The following SYT17 variants were observed in gnomAD, a reference collection of about 807,000 sequenced individuals.
The protein encoded by SYT17 is synaptotagmin-17.
SYT17 carries 22 observed loss-of-function variants against 46.7 expected under a neutral mutation model. That is an observed-to-expected ratio of 0.47 (90% confidence interval 0.34 to 0.67). The LOEUF is 0.67. Among genes scored for constraint, SYT17 ranks in the 30% least tolerant of loss-of-function variants. The probability of loss-of-function intolerance (pLI) is 0.01; values close to 1 mark genes in which losing one functional copy is unlikely to be tolerated. For missense variants in SYT17, 519 were observed against 612.8 expected (o/e 0.85, Z 1.62); for synonymous variants, 251 against 248.4 (o/e 1.01, Z -0.10).
At chr16:19,171,289 TATGATG>T (rs66740634) in intron 1 of SYT17, 3,084 of 107,654 alleles carry the variant, frequency 0.029, 80 homozygotes, top group African/African-American at 0.1. Flanking sequence ...CCACCTATAC[TATGATG>T]ATGATGATGA....
intron 7 of SYT17, among the ~76,000 whole-genome samples, chr16:19,251,622 C>T (rs1968075576): frequency 6.6e-6 from 1 of 152,058 alleles, no homozygotes; most frequent in Admixed American, 6.5e-5. Context: ...GACCTTAGGG[C>T]CCATGGGAAG....
At chr16:19,264,596 C>CTTTTT (rs58368073) in intron 7 of SYT17, among the ~76,000 whole-genome samples, 2 of 145,492 alleles carry the variant, frequency 1.4e-5, no homozygotes, top group Non-Finnish European at 1.5e-5. Flanking sequence ...TTTCCCCCAC[C>CTTTTT]TTTTTTTTTT....
intron 5 of SYT17, among the ~76,000 whole-genome samples, chr16:19,193,603 A>C (rs1596925255): frequency 6.6e-6 from 1 of 152,300 alleles, no homozygotes; most frequent in East Asian, 1.9e-4. Flanking sequence ...GTCATCTGTT[A>C]TCCTAGGTTG....
At chr16:19,204,731 A>G (rs1472620354) in intron 5 of SYT17, among the ~76,000 whole-genome samples, 1 of 152,104 alleles carries the variant, frequency 6.6e-6, no homozygotes, top group Non-Finnish European at 1.5e-5. Context: ...CTGATCAAGT[A>G]GGCTCTGGGA....
intron 7 of SYT17, among the ~76,000 whole-genome samples, chr16:19,239,328 A>C (rs926960343): frequency 5.9e-5 from 9 of 151,908 alleles, no homozygotes; most frequent in African/African-American, 1.2e-4. Context: ...ATGTATAATA[A>C]AATTTTAAAA....
At chr16:19,228,955 C>T (rs2142896131) in intron 7 of SYT17, among the ~76,000 whole-genome samples, 1 of 152,344 alleles carries the variant, frequency 6.6e-6, no homozygotes, top group African/African-American at 2.4e-5. Flanking sequence ...ACTTTCTGAA[C>T]ACTTGTTTTC....
At chr16:19,198,080 G>A (rs918973794) in intron 5 of SYT17, among the ~76,000 whole-genome samples, 4 of 152,186 alleles carry the variant, frequency 2.6e-5, no homozygotes, top group African/African-American at 9.7e-5. Flanking sequence ...TGGGGATTGT[G>A]TGGTGTGCTG....
chr16:19,262,236 A>C (rs774932663), intron 7 of SYT17, among the ~76,000 whole-genome samples: 21 of 152,330 alleles, frequency 1.4e-4, no homozygotes, highest in Admixed American at 1.1e-3. Flanking sequence ...CCTAATCCCC[A>C]TGTGGGAGGT....
chr16:19,182,945 T>C (rs1460025719), intron 4 of SYT17, among the ~76,000 whole-genome samples: 2 of 152,364 alleles, frequency 1.3e-5, no homozygotes, highest in African/African-American at 2.4e-5. Flanking sequence ...TCTATTTTAC[T>C]GATGGGAAAA....
At chr16:19,192,081 G>A (rs538055145) in intron 5 of SYT17, among the ~76,000 whole-genome samples, 74 of 152,306 alleles carry the variant, frequency 4.9e-4, no homozygotes, top group Middle Eastern at 6.8e-3. Context: ...CCGCGCGGCC[G>A]CACTGTACAA....
At chr16:19,189,887 A>G (rs769664921) in intron 5 of SYT17, among the ~76,000 whole-genome samples, 1 of 152,218 alleles carries the variant, frequency 6.6e-6, no homozygotes, top group Non-Finnish European at 1.5e-5. Context: ...GGGCCAGCAT[A>G]TAGGCACCTC....
At chr16:19,175,316 G>A (rs994136619) in intron 3 of SYT17, among the ~76,000 whole-genome samples, 13 of 152,208 alleles carry the variant, frequency 8.5e-5, no homozygotes, top group African/African-American at 2.6e-4. Flanking sequence ...TCCTACAGGT[G>A]TGTGTAGAGT....
chr16:19,267,208 C>A lies in SYT17; in HGVS notation c.*132C>A. On this transcript the variant is annotated 3_prime_UTR_variant, in exon 8 of 8. Coordinates refer to ENST00000355377, the MANE Select transcript of SYT17 (RefSeq NM_016524.4). ...GTCTACACACGTCCACACACACAGACACACAGATACCCCAAATCCTCTCAG... is the reference window on the plus strand; with the variant it reads ...GTCTACACACGTCCACACACACAGAAACACAGATACCCCAAATCCTCTCAG... The A allele has an allele frequency of 1.3e-6, 1 of 787,490 alleles. No homozygotes were observed. The highest frequency in any genetic ancestry group is 1.9e-6 in the Non-Finnish European group (1 of 518,662). 48.8% of individuals were successfully genotyped at this position (787,490 alleles called of 1,614,324 possible). A position where few individuals can be genotyped will look rare whatever the true frequency, so the allele number is the denominator to read the frequency against.
At position 19,246,609 on chromosome 16, in the gene SYT17, C is replaced by T. The variant is rs530223213; in HGVS notation, c.1229-20271C>T. Among the ~76,000 whole-genome samples, 47 of 152,182 alleles carry T rather than the reference C, an allele frequency of 3.1e-4. No individual in the cohort carries two copies. The South Asian group carries it at 9.1e-3, about 30-fold the overall frequency. ...GTATATACGTACACATATGTGTGTG[C>T]GTGGTATGTATACGTATGTGTGTGC... On this transcript the variant is annotated intron_variant, in intron 7 of 7. Transcript: ENST00000355377.
At chr16:19,256,248 G>C (rs1482661085) in intron 7 of SYT17, among the ~76,000 whole-genome samples, 1 of 151,834 alleles carries the variant, frequency 6.6e-6, no homozygotes, top group Non-Finnish European at 1.5e-5. Context: ...CTCCTTATCT[G>C]CTGCTTGACT....
Position 19,189,149 on chromosome 16 carries a change from G to A in SYT17, c.951+5002G>A, listed in dbSNP as rs528360792. On this transcript the variant is annotated intron_variant, in intron 5 of 7. Coordinates refer to ENST00000355377, the MANE Select transcript of SYT17 (RefSeq NM_016524.4). ...GATCCACCTGCCTCGGCCTCCCATA[G>A]TGCTGGGATTACAGGCGTGAGCCAC... 2.6e-5 allele frequency among the ~76,000 whole-genome samples: 4 copies of A among 152,224 alleles called. No individual in the cohort carries two copies. The East Asian group carries it at 7.7e-4, about 29-fold the overall frequency.
At chr16:19,175,972 G>A (rs1025307732) in intron 3 of SYT17, among the ~76,000 whole-genome samples, 7 of 152,312 alleles carry the variant, frequency 4.6e-5, no homozygotes, top group South Asian at 2.1e-4. Flanking sequence ...TCAGTCTCAC[G>A]TAGGAGGTAA....
intron 5 of SYT17, 21 bp downstream of exon 5, chr16:19,184,168 GTT>G (rs1156913003): frequency 2.5e-6 from 4 of 1,578,974 alleles, no homozygotes; most frequent in Non-Finnish European, 3.4e-6. Context: ...GGTTTGTGGT[GTT>G]TCCTCCTGGG....
intron 7 of SYT17, among the ~76,000 whole-genome samples, chr16:19,231,390 G>A (rs965618790): frequency 6.6e-6 from 1 of 151,894 alleles, no homozygotes; most frequent in African/African-American, 2.4e-5. Flanking sequence ...GGCCAACATG[G>A]TGTAACCCCA....
Sources: gnomAD v4.1 joint callset for allele counts (sites outside exome capture counted in the v4.1 genomes callset) on GRCh38, gnomAD v4.1.1 for gene constraint, MANE v1.5 for transcripts, NCBI Gene and HGNC (gene_info 2026-07-23, HGNC 2026-07-21) for gene names.